The following ENTREP2 variants were observed in gnomAD, a reference collection of about 807,000 sequenced individuals.
The protein encoded by ENTREP2 is protein ENTREP2.
the ENTREP2 span, among the ~76,000 whole-genome samples, chr15:29,325,997 T>C: frequency 6.6e-6 from 1 of 152,102 alleles, no homozygotes; most frequent in African/African-American, 2.4e-5. Flanking sequence ...TCATATCACA[T>C]CAATTGATGC....
At chr15:29,560,003 T>A in the ENTREP2 span, among the ~76,000 whole-genome samples, 1 of 152,160 alleles carries the variant, frequency 6.6e-6, no homozygotes, top group Non-Finnish European at 1.5e-5. Context: ...ATATGACATT[T>A]CACATTTGCA....
the ENTREP2 span, among the ~76,000 whole-genome samples, chr15:29,204,694 C>T: frequency 2.0e-4 from 31 of 152,018 alleles, no homozygotes; most frequent in Admixed American, 1.2e-3. Flanking sequence ...CGCTATTTGC[C>T]GGTGTTATTG....
At chr15:29,182,124 A>G in the ENTREP2 span, among the ~76,000 whole-genome samples, 1 of 151,844 alleles carries the variant, frequency 6.6e-6, no homozygotes, top group Non-Finnish European at 1.5e-5. Flanking sequence ...AGTAAAAAAA[A>G]GAATTTTTTT....
At chr15:29,175,393 G>C in the ENTREP2 span, among the ~76,000 whole-genome samples, 1 of 152,218 alleles carries the variant, frequency 6.6e-6, no homozygotes, top group Non-Finnish European at 1.5e-5. Context: ...AATCATCTGA[G>C]TGTCTGATCG....
the ENTREP2 span, among the ~76,000 whole-genome samples, chr15:29,623,565 G>A: frequency 2.0e-5 from 3 of 152,270 alleles, no homozygotes; most frequent in East Asian, 5.8e-4. Context: ...CTTGGGCTCT[G>A]GTGGCAGAGA....
chr15:29,342,466 T>C, the ENTREP2 span, among the ~76,000 whole-genome samples: 580 of 152,322 alleles, frequency 3.8e-3, 6 homozygotes, highest in African/African-American at 0.013. Context: ...TCCCTTCCGA[T>C]GTACAGGTCT....
the ENTREP2 span, among the ~76,000 whole-genome samples, chr15:29,215,435 T>C: frequency 6.6e-6 from 1 of 152,114 alleles, no homozygotes; most frequent in Non-Finnish European, 1.5e-5. Flanking sequence ...TCTCCCATGC[T>C]GGATGCTTCC....
chr15:29,636,155 T>C, the ENTREP2 span, among the ~76,000 whole-genome samples: 1 of 152,144 alleles, frequency 6.6e-6, no homozygotes, highest in Non-Finnish European at 1.5e-5. Flanking sequence ...CCTGCAACTC[T>C]CACCAAAGCT....
At chr15:29,640,162 G>C in the ENTREP2 span, among the ~76,000 whole-genome samples, 1 of 152,114 alleles carries the variant, frequency 6.6e-6, no homozygotes, top group African/African-American at 2.4e-5. Flanking sequence ...ACTAAAATCA[G>C]AAATGAATGA....
At chr15:29,541,755 C>T in the ENTREP2 span, among the ~76,000 whole-genome samples, 1 of 152,142 alleles carries the variant, frequency 6.6e-6, no homozygotes, top group Non-Finnish European at 1.5e-5. Context: ...GCACAGAGAG[C>T]ACACAGGAGC....
chr15:29,126,602 G>T, the ENTREP2 span: 1 of 886,370 alleles, frequency 1.1e-6, no homozygotes, highest in Non-Finnish European at 1.7e-6. Flanking sequence ...CCCTGGGGGT[G>T]CGGAAACACT....
At chr15:29,561,066 T>TAC in the ENTREP2 span, among the ~76,000 whole-genome samples, 1 of 150,662 alleles carries the variant, frequency 6.6e-6, no homozygotes, top group South Asian at 2.1e-4. Flanking sequence ...TCACACCTGT[T>TAC]ACAATGGCTA....
At chr15:29,655,944 G>C in the ENTREP2 span, among the ~76,000 whole-genome samples, 40 of 147,012 alleles carry the variant, frequency 2.7e-4, no homozygotes, top group Admixed American at 2.5e-3. Context: ...AGAATCACTT[G>C]AATCTGGGAA....
At chr15:29,321,649 CA>C in the ENTREP2 span, among the ~76,000 whole-genome samples, 461 of 64,262 alleles carry the variant, frequency 7.2e-3, no homozygotes, top group African/African-American at 0.019. Flanking sequence ...GACTCTGTCT[CA>C]AAAAAAAAAA....
At chr15:29,350,468 A>T in the ENTREP2 span, among the ~76,000 whole-genome samples, 1 of 152,020 alleles carries the variant, frequency 6.6e-6, no homozygotes, top group Admixed American at 6.6e-5. Context: ...CCATTTCGTT[A>T]CTTTTCCTTT....
At chr15:29,232,533 C>T in the ENTREP2 span, among the ~76,000 whole-genome samples, 2 of 151,912 alleles carry the variant, frequency 1.3e-5, no homozygotes, top group East Asian at 3.9e-4. Context: ...CACTCTGTCA[C>T]CCACACTGGA....
the ENTREP2 span, among the ~76,000 whole-genome samples, chr15:29,383,089 A>G: frequency 2.0e-5 from 3 of 151,630 alleles, no homozygotes; most frequent in Non-Finnish European, 4.4e-5. Context: ...TGGTTTCCCA[A>G]CACCTGTCTC....
the ENTREP2 span, among the ~76,000 whole-genome samples, chr15:29,299,339 CATG>C: frequency 6.6e-6 from 1 of 152,180 alleles, no homozygotes; most frequent in Non-Finnish European, 1.5e-5. Context: ...GTGTCTGCTC[CATG>C]ATGTCTGGGC....
At chr15:29,346,765 T>TA in the ENTREP2 span, among the ~76,000 whole-genome samples, 1 of 152,190 alleles carries the variant, frequency 6.6e-6, no homozygotes, top group African/African-American at 2.4e-5. Context: ...TTTCTTTTTT[T>TA]AAATTATAAA....
Sources: allele counts gnomAD v4.1 joint callset (sites outside exome capture counted in the v4.1 genomes callset), GRCh38; gene constraint gnomAD v4.1.1; transcripts MANE v1.5; gene names NCBI Gene and HGNC (gene_info 2026-07-23, HGNC 2026-07-21).